The following KIAA1755 variants were observed in gnomAD, a reference collection of about 807,000 sequenced individuals.
The protein encoded by KIAA1755 is uncharacterized protein KIAA1755.
A neutral mutation model predicts 91.7 loss-of-function variants in KIAA1755; 68 were observed. The observed-to-expected ratio is 0.74, with a 90% confidence interval of 0.61 to 0.91. The LOEUF is 0.91. Ranked by LOEUF, KIAA1755 falls within the 40% of genes least tolerant of loss-of-function variation. The probability of loss-of-function intolerance (pLI) is 0.00; values close to 1 mark genes in which losing one functional copy is unlikely to be tolerated. For missense variants in KIAA1755, 1,535 were observed against 1,494.4 expected (o/e 1.03, Z -0.45); for synonymous variants, 610 against 604.6 (o/e 1.01, Z -0.13).
chr20:38,254,192 G>A (rs1225206556), intron 1 of KIAA1755, among the ~76,000 whole-genome samples: 12 of 152,150 alleles, frequency 7.9e-5, no homozygotes, highest in Admixed American at 7.2e-4. Context: ...GCTGGACTGA[G>A]CTTTTCTTAA....
At chr20:38,227,063 A>G (rs1270071737) in intron 7 of KIAA1755, 91 bp downstream of exon 7, 9 of 910,548 alleles carry the variant, frequency 9.9e-6, no homozygotes, top group Non-Finnish European at 1.5e-5. Context: ...CTTCTAGCTC[A>G]TGAATTCTGC....
At chr20:38,225,637 AGG>A (rs2075742568) in intron 8 of KIAA1755, 26 bp downstream of exon 8, 3 of 1,359,358 alleles carry the variant, frequency 2.2e-6, no homozygotes, top group Non-Finnish European at 3.2e-6. Context: ...AGTGGGGGTC[AGG>A]GGCTAAAGGC....
chr20:38,242,102 C>A (rs1402808619), intron 2 of KIAA1755, among the ~76,000 whole-genome samples, 173 bp from the exon 3 acceptor site: 1 of 152,220 alleles, frequency 6.6e-6, no homozygotes, highest in African/African-American at 2.4e-5. Context: ...TCCTGCCCCA[C>A]CCTCGTCCTG....
rs752354849 is a variant in KIAA1755, at chr20:38,240,729, TG to T, written c.1401del (p.Thr468LeufsTer9). 6 of 1,567,852 alleles carry T rather than the reference TG, an allele frequency of 3.8e-6. No individual in the cohort carries two copies. The South Asian group carries it at 4.8e-5, about 13-fold the overall frequency. ...AAGAATGAGAATTTGAGCCCAGGAG[TG>T]GGGGGCTCAGGGGAGGAGGTGTTTC... ...PSRNTSSPEP[P>X]TPGLKFSFLR... On this transcript the variant is annotated frameshift_variant, in exon 3 of 14. Transcript: ENST00000279024. LOFTEE classifies it high-confidence loss of function.
rs779933131 is a variant in KIAA1755, at chr20:38,239,591, G to T, written c.1684C>A (p.Pro562Thr). The T allele has an allele frequency of 3.1e-6, 5 of 1,608,702 alleles. No homozygotes were observed. Among genetic ancestry groups the T allele is most frequent in the Middle Eastern group, 1.7e-4 (1 of 6,034 alleles). The stretch of plus-strand genomic sequence containing the variant: ...CCTAGAGCCCCAATCCTGGGCTCAG[G>T]CCCTGGGGGCTCCTCCTCCAGGGTG... The part of the protein sequence containing the change: ...GPTLEEEPPG[P>T]EPRIGALGVK... The change falls in exon 4 of 14, where the codon CCT becomes ACT. Residue 562 changes from proline (P) to threonine (T), a missense_variant. Physicochemically the swap from Pro to Thr is conservative, Grantham distance 38. Coordinates refer to ENST00000279024, the MANE Select transcript of KIAA1755 (RefSeq NM_001029864.2).
Position 38,223,686 on chromosome 20 carries a change from G to A in KIAA1755, c.2170-50C>T, listed in dbSNP as rs777654772. On this transcript the variant is annotated intron_variant, in intron 8 of 13. Transcript: ENST00000279024. Reference sequence around the variant, plus strand: ...AGGTGTCAGCCCAGGCCAACCAGGAGGATGCCTCTTGCATCTCAGGAGCAC... The same window carrying A: ...AGGTGTCAGCCCAGGCCAACCAGGAAGATGCCTCTTGCATCTCAGGAGCAC... 4 of 1,431,232 alleles carry A rather than the reference G, an allele frequency of 2.8e-6. No individual in the cohort carries two copies. The African/African-American group carries it at 4.3e-5, about 15-fold the overall frequency. The allele number at this position is 1,431,232 out of a possible 1,614,324, so 88.7% of individuals were successfully genotyped here.
At chr20:38,232,376 C>G (rs1324560784) in intron 4 of KIAA1755, among the ~76,000 whole-genome samples, 1 of 152,072 alleles carries the variant, frequency 6.6e-6, no homozygotes, top group East Asian at 1.9e-4. Context: ...CCTGTAATCC[C>G]AGCACTTTGG....
chr20:38,228,047 C>T (rs2075791891), intron 6 of KIAA1755, 100 bp downstream of exon 6: 2 of 761,152 alleles, frequency 2.6e-6, no homozygotes, highest in Non-Finnish European at 3.9e-6. Context: ...GCCTGAGAGT[C>T]CTGGTCCCAG....
In KIAA1755 at chr20:38,211,816, A is replaced by T. The variant is rs2123034100; in HGVS notation, c.*1226T>A. On this transcript the variant is annotated 3_prime_UTR_variant, in exon 14 of 14. Coordinates refer to ENST00000279024, the MANE Select transcript of KIAA1755 (RefSeq NM_001029864.2). ...CACAGAAGACATGTCCTTCCTTTCT[A>T]AGCACAGGAACCGGCCTCTGGCTCC... 6.6e-6 allele frequency: 1 copy of T among 152,336 alleles called. No homozygotes were observed. Among genetic ancestry groups the T allele is most frequent in the Middle Eastern group, 3.4e-3 (1 of 296 alleles). The allele number at this position is 152,336 out of a possible 1,614,324, so 9.4% of individuals were successfully genotyped here.
At chr20:38,259,056 G>A (rs2076389396) in intron 1 of KIAA1755, among the ~76,000 whole-genome samples, 1 of 152,126 alleles carries the variant, frequency 6.6e-6, no homozygotes, top group South Asian at 2.1e-4. Flanking sequence ...TTCTGGGTGG[G>A]GTGACCTTGG....
intron 2 of KIAA1755, among the ~76,000 whole-genome samples, 177 bp from the exon 3 acceptor site, chr20:38,242,106 C>T (rs981153486): frequency 2.1e-4 from 32 of 152,212 alleles, no homozygotes; most frequent in East Asian, 5.8e-4. Context: ...GCCCCACCCT[C>T]GTCCTGGCCC....
At chr20:38,226,632 T>C (rs2075761673) in intron 7 of KIAA1755, among the ~76,000 whole-genome samples, 1 of 152,182 alleles carries the variant, frequency 6.6e-6, no homozygotes, top group Non-Finnish European at 1.5e-5. Flanking sequence ...TACTCATTAC[T>C]GTGGTGTATG....
intron 1 of KIAA1755, 117 bp from the exon 2 acceptor site, chr20:38,246,243 T>C: frequency 1.3e-6 from 1 of 799,408 alleles, no homozygotes; most frequent in South Asian, 1.7e-5. Context: ...TGACCTCCTC[T>C]CCTACCCCAC....
chr20:38,220,201 C>T (rs940783822), intron 10 of KIAA1755, among the ~76,000 whole-genome samples: 1 of 151,956 alleles, frequency 6.6e-6, no homozygotes, highest in African/African-American at 2.4e-5. Context: ...TCTAGCTATA[C>T]ATTATAACCT....
At chr20:38,228,045 G>T in intron 6 of KIAA1755, 102 bp downstream of exon 6, 1 of 739,748 alleles carries the variant, frequency 1.4e-6, no homozygotes, top group Non-Finnish European at 2.0e-6. Context: ...CTGCCTGAGA[G>T]TCCTGGTCCC....
intron 1 of KIAA1755, among the ~76,000 whole-genome samples, chr20:38,250,650 T>A (rs564688410): frequency 3.3e-5 from 5 of 152,100 alleles, no homozygotes; most frequent in African/African-American, 1.2e-4. Context: ...CCCCGTGTGC[T>A]GCAGAAAAGT....
chr20:38,245,192 A>G (rs73905578), intron 2 of KIAA1755, among the ~76,000 whole-genome samples: 304 of 152,310 alleles, frequency 2.0e-3, no homozygotes, highest in African/African-American at 6.8e-3. Flanking sequence ...AGATTTTTCT[A>G]TGTGCAGTGG....
intron 9 of KIAA1755, chr20:38,222,881 CA>C: frequency 1.9e-6 from 1 of 526,378 alleles, no homozygotes; most frequent in East Asian, 3.4e-5. Context: ...CTGTTCTCCA[CA>C]TGGCAGTTGA....
At chr20:38,250,313 C>T (rs1052069112) in intron 1 of KIAA1755, among the ~76,000 whole-genome samples, 6 of 152,210 alleles carry the variant, frequency 3.9e-5, no homozygotes, top group Non-Finnish European at 8.8e-5. Flanking sequence ...TCAGTTTCCT[C>T]ATCTGTAAAA....
Sources: gnomAD v4.1 joint callset for allele counts (sites outside exome capture counted in the v4.1 genomes callset) on GRCh38, gnomAD v4.1.1 for gene constraint, MANE v1.5 for transcripts, NCBI Gene and HGNC (gene_info 2026-07-23, HGNC 2026-07-21) for gene names.